The following GPR158 variants were observed in gnomAD, a reference collection of about 807,000 sequenced individuals.
GPR158 encodes metabotropic glycine receptor.
Under a neutral mutation model 78.2 loss-of-function variants are expected in GPR158, and 30 were observed. That is an observed-to-expected ratio of 0.38 (90% CI 0.29 to 0.52). GPR158 has a LOEUF of 0.52. Among genes scored for constraint, GPR158 ranks in the 20% least tolerant of loss-of-function variants. GPR158 has a pLI of 0.83. For synonymous variants in GPR158, 581 were observed against 591.1 expected, an observed-to-expected ratio of 0.98 and a Z score of 0.25; for missense variants, 1,463 against 1,523.5, an observed-to-expected ratio of 0.96 and a Z score of 0.66.
chr10:25,470,496 T>C (rs1380510861), intron 5 of GPR158, among the ~76,000 whole-genome samples: 1 of 152,166 alleles, frequency 6.6e-6, no homozygotes, highest in East Asian at 1.9e-4. Flanking sequence ...TTTGTATTCT[T>C]TGTAAATTAC....
chr10:25,347,009 T>C (rs115606597), intron 2 of GPR158, among the ~76,000 whole-genome samples: 1,791 of 152,062 alleles, frequency 0.012, 46 homozygotes, highest in African/African-American at 0.041. Flanking sequence ...GTAATTTTTA[T>C]AATTTCCGCC....
intron 1 of GPR158, among the ~76,000 whole-genome samples, chr10:25,184,233 CTG>C (rs1438666916): frequency 1.3e-5 from 2 of 152,166 alleles, no homozygotes; most frequent in African/African-American, 2.4e-5. Context: ...GGGTCCCACT[CTG>C]TTTCTCAGGC....
chr10:25,437,032 G>A (rs1280630968), intron 4 of GPR158, among the ~76,000 whole-genome samples: 2 of 152,190 alleles, frequency 1.3e-5, no homozygotes, highest in African/African-American at 2.4e-5. Context: ...AGTAGCAGGA[G>A]ATGCAGAACA....
chr10:25,352,886 A>G (rs1855494329), intron 2 of GPR158, among the ~76,000 whole-genome samples: 1 of 152,058 alleles, frequency 6.6e-6, no homozygotes, highest in Non-Finnish European at 1.5e-5. Flanking sequence ...CAGCATGGTC[A>G]TTTTAACCAT....
At chr10:25,587,054 C>A (rs1233654956) in intron 7 of GPR158, among the ~76,000 whole-genome samples, 3 of 152,052 alleles carry the variant, frequency 2.0e-5, no homozygotes, top group Admixed American at 6.5e-5. Flanking sequence ...AGAAATGTAA[C>A]CATATGTGGA....
chr10:25,335,957 A>T (rs1307165468), intron 2 of GPR158, among the ~76,000 whole-genome samples: 2 of 152,026 alleles, frequency 1.3e-5, no homozygotes, highest in Non-Finnish European at 2.9e-5. Flanking sequence ...TACCTCAAAG[A>T]TTTGTTATGA....
chr10:25,207,751 C>T (rs771494205), intron 1 of GPR158, among the ~76,000 whole-genome samples: 8 of 152,092 alleles, frequency 5.3e-5, no homozygotes, highest in African/African-American at 1.9e-4. Context: ...ATATTTACTA[C>T]TAGGTTGACT....
At chr10:25,499,581 C>T (rs1835927871) in intron 5 of GPR158, among the ~76,000 whole-genome samples, 1 of 152,146 alleles carries the variant, frequency 6.6e-6, no homozygotes, top group Non-Finnish European at 1.5e-5. Context: ...GATATTCTAG[C>T]AGAGAAGACA....
chr10:25,382,870 C>T (rs1834174656), intron 2 of GPR158, among the ~76,000 whole-genome samples: 1 of 151,608 alleles, frequency 6.6e-6, no homozygotes, highest in Non-Finnish European at 1.5e-5. Context: ...CTCACACTGT[C>T]GCCCAGGCTG....
chr10:25,570,948 T>TTGTTTCATAATCATGTATA (rs1836998233), intron 6 of GPR158, among the ~76,000 whole-genome samples: 2 of 152,156 alleles, frequency 1.3e-5, no homozygotes, highest in African/African-American at 4.8e-5. Context: ...TAGTCTCCTT[T>TTGTTTCATAATCATGTATA]TGTTTCATAA....
chr10:25,338,588 TTA>T (rs1335812403), intron 2 of GPR158, among the ~76,000 whole-genome samples: 1 of 146,536 alleles, frequency 6.8e-6, no homozygotes, highest in Non-Finnish European at 1.5e-5. Flanking sequence ...ATAATACATA[TTA>T]TATATATTAT....
chr10:25,390,224 G>A (rs1282983708), intron 2 of GPR158, among the ~76,000 whole-genome samples: 4 of 152,096 alleles, frequency 2.6e-5, no homozygotes, highest in African/African-American at 9.7e-5. Context: ...CGGTAGAGGG[G>A]GGTACTGCTA....
At chr10:25,482,262 C>T (rs1315689394) in intron 5 of GPR158, among the ~76,000 whole-genome samples, 5 of 152,082 alleles carry the variant, frequency 3.3e-5, no homozygotes, top group African/African-American at 1.2e-4. Context: ...TAGCTCCCTG[C>T]ACCCTCAGAC....
intron 2 of GPR158, among the ~76,000 whole-genome samples, chr10:25,231,650 A>G (rs78199507): frequency 4.6e-5 from 7 of 152,274 alleles, no homozygotes; most frequent in African/African-American, 1.7e-4. Flanking sequence ...CTGGGCATCA[A>G]TTAAAAGGCT....
chr10:25,546,602 A>G (rs1479797444), intron 5 of GPR158, among the ~76,000 whole-genome samples: 1 of 152,108 alleles, frequency 6.6e-6, no homozygotes, highest in East Asian at 1.9e-4. Flanking sequence ...CCTTTGCCCT[A>G]TAGCTTTATT....
At chr10:25,215,322 TAGAG>T (rs1340701503) in intron 1 of GPR158, among the ~76,000 whole-genome samples, 2 of 151,992 alleles carry the variant, frequency 1.3e-5, no homozygotes, top group Non-Finnish European at 2.9e-5. Flanking sequence ...GTTAAACTCA[TAGAG>T]ACAGAAAGTA....
intron 1 of GPR158, among the ~76,000 whole-genome samples, chr10:25,188,097 AAG>A (rs1465775357): frequency 1.3e-5 from 2 of 152,232 alleles, no homozygotes; most frequent in Non-Finnish European, 2.9e-5. Context: ...GACCTCTTCA[AAG>A]AGAACTACAA....
chr10:25,592,147 T>C (rs961273859), intron 8 of GPR158, among the ~76,000 whole-genome samples: 5 of 152,046 alleles, frequency 3.3e-5, no homozygotes, highest in African/African-American at 1.2e-4. Flanking sequence ...ATATAGCATG[T>C]GTTCTTTCTT....
At chr10:25,293,804 G>C (rs1854473826) in intron 2 of GPR158, among the ~76,000 whole-genome samples, 1 of 150,762 alleles carries the variant, frequency 6.6e-6, no homozygotes, top group African/African-American at 2.4e-5. Context: ...GGAGTGCAGT[G>C]GCACGATCTT....
Sources: allele counts gnomAD v4.1 joint callset (sites outside exome capture counted in the v4.1 genomes callset), GRCh38; gene constraint gnomAD v4.1.1; transcripts MANE v1.5; gene names NCBI Gene and HGNC (gene_info 2026-07-23, HGNC 2026-07-21).